RAPGEF1: variants seen among roughly 807,000 people sequenced by gnomAD.
RAPGEF1 encodes the protein CRK SH3-binding GNRP.
A neutral mutation model predicts 143.3 loss-of-function variants in RAPGEF1; 33 were observed. The observed-to-expected ratio is 0.23, with a 90% CI of 0.17 to 0.31. RAPGEF1 has a LOEUF of 0.31. Ranked by LOEUF, RAPGEF1 falls within the 10% of genes least tolerant of loss-of-function variation. RAPGEF1 has a pLI of 1.00. For missense variants in RAPGEF1, 1,199 were observed against 1,645.4 expected (o/e 0.73, Z 4.69); for synonymous variants, 629 against 676.5 (o/e 0.93, Z 1.09).
At chr9:131,656,872 C>T (rs371262531) in intron 1 of RAPGEF1, among the ~76,000 whole-genome samples, 4 of 152,336 alleles carry the variant, frequency 2.6e-5, no homozygotes, top group African/African-American at 9.6e-5. Context: ...AACATGTCAG[C>T]ACCTAAAGAC....
At chr9:131,709,583 T>C in intron 1 of RAPGEF1, 1 of 1,605,044 alleles carries the variant, frequency 6.2e-7, no homozygotes, top group South Asian at 1.1e-5. Flanking sequence ...ACTGCCTCCT[T>C]GCTTCTTCCT....
chr9:131,629,266 G>A lies in RAPGEF1; in HGVS notation c.741-12C>T, dbSNP rs776028901. 1.2e-6 allele frequency: 2 copies of A among 1,611,626 alleles called. No homozygotes were observed. The highest frequency in any genetic ancestry group is 8.5e-7 in the Non-Finnish European group (1 of 1,178,548). On this transcript the variant is annotated splice_polypyrimidine_tract_variant and intron_variant, in intron 6 of 26. Coordinates refer to ENST00000683357, the MANE Select transcript of RAPGEF1 (RefSeq NM_001377935.1). ...GGAGCTCTGCTGGGCTGGAGAATTG[G>A]GAAGAACTTGGGGTTACAGAAGGTC...
In RAPGEF1 at chr9:131,660,511, G is replaced by A. The variant is rs1014757383; in HGVS notation, c.62-9562C>T. 4.6e-5 allele frequency among the ~76,000 whole-genome samples: 7 copies of A among 151,266 alleles called. No individual in the cohort carries two copies. In the East Asian group the frequency reaches 1.2e-3, roughly 25 times the overall value. On this transcript the variant is annotated intron_variant, in intron 1 of 26. Coordinates refer to ENST00000683357, the MANE Select transcript of RAPGEF1 (RefSeq NM_001377935.1). ...TGAGTGCAGTTAATGGCTGCATGAT[G>A]CTCTGCTGGACGGCAACCACAGTGT... is the stretch of plus-strand genomic sequence containing the variant.
chr9:131,609,019 G>A (rs941218317), intron 12 of RAPGEF1, among the ~76,000 whole-genome samples: 3 of 152,168 alleles, frequency 2.0e-5, no homozygotes, highest in Non-Finnish European at 2.9e-5. Context: ...TTTATTTATA[G>A]CCAGAATAAG....
At position 131,620,804 on chromosome 9, in the gene RAPGEF1, G is replaced by A. The variant is rs140288692; in HGVS notation, c.1905+992C>T. 3.3e-5 allele frequency among the ~76,000 whole-genome samples: 5 copies of A among 152,326 alleles called. No homozygotes were observed. In the East Asian group the frequency reaches 7.7e-4, roughly 23 times the overall value. Reference sequence around the variant, plus strand: ...GATTGATTATACGGAGTAATCCAGGGACATTTGTCCTCCAGTCTGCAGCTG... The same window carrying A: ...GATTGATTATACGGAGTAATCCAGGAACATTTGTCCTCCAGTCTGCAGCTG... On this transcript the variant is annotated intron_variant, in intron 11 of 26. Coordinates refer to ENST00000683357, the MANE Select transcript of RAPGEF1 (RefSeq NM_001377935.1).
rs1564544678 is a variant in RAPGEF1 at position 131,621,062 on chromosome 9, C to T, written c.1905+734G>A. On this transcript the variant is annotated intron_variant, in intron 11 of 26. Coordinates refer to ENST00000683357, the MANE Select transcript of RAPGEF1 (RefSeq NM_001377935.1). The surrounding 1 kb of genome is among the most constrained non-coding windows in gnomAD (Gnocchi z 4.5). ...AAACCTGACTAGGGCCCTCCATGTT[C>T]ATTAACTGGCAGCAAAGGGAGAAAG... Among the ~76,000 whole-genome samples, 3 of 152,206 alleles carry T rather than the reference C, an allele frequency of 2.0e-5. No individual in the cohort carries two copies. The highest frequency in any genetic ancestry group is 2.0e-4 in the Admixed American group (3 of 15,292).
intron 12 of RAPGEF1, 62 bp from the exon 13 acceptor site, chr9:131,605,250 A>C: frequency 3.3e-6 from 4 of 1,198,592 alleles, no homozygotes; most frequent in Non-Finnish European, 4.3e-6. Context: ...AGAAAAAGTA[A>C]TTAGATTGGC....
chr9:131,721,448 A>G (rs189710770), intron 1 of RAPGEF1, among the ~76,000 whole-genome samples: 16 of 152,192 alleles, frequency 1.1e-4, no homozygotes, highest in Non-Finnish European at 1.9e-4. Flanking sequence ...CCAGAGTCCA[A>G]CCCTTCAGTC....
At position 131,584,733 on chromosome 9, in the gene RAPGEF1, C is replaced by A; in HGVS notation, c.3234-137G>T. 1.4e-6 allele frequency: 1 copy of A among 734,392 alleles called. No homozygotes were observed. Among genetic ancestry groups the A allele is most frequent in the South Asian group, 1.7e-5 (1 of 59,634 alleles). The allele number at this position is 734,392 out of a possible 1,614,324, so 45.5% of individuals were successfully genotyped here. On this transcript the variant is annotated intron_variant, in intron 22 of 26. Transcript: ENST00000683357. This position sits in a 1 kb window ranked among gnomAD's most constrained non-coding sequence, Gnocchi z 6.8. ...ACCCCTACTGAATACCTGCAGCCTG[C>A]CCCAGGCATAGATCTAGTTTCTGCT...
chr9:131,729,492 G>A (rs930339527), intron 1 of RAPGEF1, among the ~76,000 whole-genome samples: 19 of 152,244 alleles, frequency 1.2e-4, no homozygotes, highest in African/African-American at 4.3e-4. Flanking sequence ...GGAGAAACCA[G>A]GGGCTTCTTC....
At chr9:131,721,332 A>C (rs568712882) in intron 1 of RAPGEF1, among the ~76,000 whole-genome samples, 5 of 152,140 alleles carry the variant, frequency 3.3e-5, no homozygotes, top group Non-Finnish European at 7.3e-5. Flanking sequence ...TCATCCCTCC[A>C]TCTGTCACGC....
chr9:131,682,584 G>A (rs758129975), intron 1 of RAPGEF1, among the ~76,000 whole-genome samples: 1 of 152,188 alleles, frequency 6.6e-6, no homozygotes, highest in African/African-American at 2.4e-5. Flanking sequence ...ATTACAATGC[G>A]GAAATTCAAA....
rs552758572 is a variant in RAPGEF1 at position 131,586,689 on chromosome 9, G to A, written c.3233+1047C>T. Among the ~76,000 whole-genome samples, 41 of 84,822 alleles carry A rather than the reference G, an allele frequency of 4.8e-4. 3 individuals are homozygous for A. The highest frequency in any genetic ancestry group is 2.2e-3 in the South Asian group (5 of 2,298). 55.6% of individuals were successfully genotyped at this position (84,822 alleles called of 152,430 possible). On this transcript the variant is annotated intron_variant, in intron 22 of 26. Coordinates refer to ENST00000683357, the MANE Select transcript of RAPGEF1 (RefSeq NM_001377935.1). ...ACACACCCCTGCAGAGTGAGACTCC[G>A]TCTCAAACACACACACACACCTGCA...
At chr9:131,640,251 C>A (rs902681320) in intron 4 of RAPGEF1, among the ~76,000 whole-genome samples, 5 of 152,228 alleles carry the variant, frequency 3.3e-5, no homozygotes, top group African/African-American at 1.2e-4. Context: ...CTGGCAAGGC[C>A]AGGTGAGGCA....
intron 1 of RAPGEF1, among the ~76,000 whole-genome samples, chr9:131,681,199 C>T (rs1363851099): frequency 2.0e-5 from 3 of 152,182 alleles, no homozygotes; most frequent in Non-Finnish European, 4.4e-5. Flanking sequence ...CCCTACCCCT[C>T]TGCACCCCCT....
At chr9:131,613,022 A>C (rs891489214) in intron 12 of RAPGEF1, among the ~76,000 whole-genome samples, 2 of 152,200 alleles carry the variant, frequency 1.3e-5, no homozygotes, top group Non-Finnish European at 2.9e-5. Context: ...CAATCCTGAG[A>C]AGACGAACCG....
chr9:131,607,571 G>A (rs1474090138), intron 12 of RAPGEF1, among the ~76,000 whole-genome samples: 2 of 152,116 alleles, frequency 1.3e-5, no homozygotes, highest in African/African-American at 4.8e-5. Context: ...GGGGTGGGAC[G>A]GCGTGCTGCT....
At chr9:131,695,207 C>T (rs182113613) in intron 1 of RAPGEF1, among the ~76,000 whole-genome samples, 1 of 152,296 alleles carries the variant, frequency 6.6e-6, no homozygotes, top group Admixed American at 6.5e-5. Flanking sequence ...TGAGTTACCA[C>T]TCTCTCATAA....
chr9:131,604,605 C>T (rs2132510638), intron 13 of RAPGEF1, among the ~76,000 whole-genome samples: 2 of 152,334 alleles, frequency 1.3e-5, no homozygotes, highest in Admixed American at 1.3e-4. Flanking sequence ...AAGCTAGTAG[C>T]ATTTTGTATC....
Sources: allele counts gnomAD v4.1 joint callset (sites outside exome capture counted in the v4.1 genomes callset), GRCh38; gene constraint gnomAD v4.1.1; non-coding constraint Gnocchi (gnomAD v3.1); transcripts MANE v1.5; gene names NCBI Gene and HGNC (gene_info 2026-07-23, HGNC 2026-07-21).